RASAL2: variants seen among roughly 807,000 people sequenced by gnomAD.
RASAL2 encodes ras GTPase-activating protein nGAP.
Under a neutral mutation model 128.9 loss-of-function variants are expected in RASAL2, and 58 were observed. The observed-to-expected ratio is 0.45, with a 90% CI of 0.36 to 0.56. RASAL2 has a LOEUF of 0.56. RASAL2 is among the 20% of genes least tolerant of loss of function. The pLI is 0.00. For missense variants in RASAL2, 1,360 were observed against 1,601.6 expected, an observed-to-expected ratio of 0.85 and a Z score of 2.57; for synonymous variants, 561 against 580.8, an observed-to-expected ratio of 0.97 and a Z score of 0.49.
At chr1:178,296,041 G>GTGTGTGTGTATACATA (rs1667482918) in intron 2 of RASAL2, among the ~76,000 whole-genome samples, 1 of 151,652 alleles carries the variant, frequency 6.6e-6, no homozygotes, top group African/African-American at 2.4e-5. Context: ...ATGTGTGTAT[G>GTGTGTGTGTATACATA]TGTGTGTGTA....
intron 1 of RASAL2, among the ~76,000 whole-genome samples, chr1:178,095,629 A>G (rs1384680977): frequency 6.6e-6 from 1 of 152,252 alleles, no homozygotes; most frequent in African/African-American, 2.4e-5. Flanking sequence ...CTAAGCCTGT[A>G]GTGATCAAGT....
rs144920349 is a variant in RASAL2 at position 178,375,825 on chromosome 1, T to C, written c.458-14275T>C. Among the ~76,000 whole-genome samples, 22 of 152,246 alleles carry C rather than the reference T, an allele frequency of 1.4e-4. No homozygotes were observed. The East Asian group carries it at 4.2e-3, about 29-fold the overall frequency. Reference sequence around the variant, plus strand: ...AAAGGGAGCCAATTTTTTAGGAAGATGGGAGTTCTGTTTAGGTATTTTCAC... The same window carrying C: ...AAAGGGAGCCAATTTTTTAGGAAGACGGGAGTTCTGTTTAGGTATTTTCAC... On this transcript the variant is annotated intron_variant, in intron 3 of 17. Transcript: ENST00000367649.
intron 1 of RASAL2, among the ~76,000 whole-genome samples, chr1:178,162,166 C>G (rs1033767210): frequency 1.4e-5 from 2 of 147,908 alleles, no homozygotes; most frequent in Non-Finnish European, 3.0e-5. Flanking sequence ...GGGGTTTCAC[C>G]GTGTTAGCCA....
chr1:178,152,357 T>G (rs1660941061), intron 1 of RASAL2, among the ~76,000 whole-genome samples: 1 of 152,214 alleles, frequency 6.6e-6, no homozygotes, highest in African/African-American at 2.4e-5. Context: ...GTTCTTGGGT[T>G]GTATCTCTTA....
intron 1 of RASAL2, among the ~76,000 whole-genome samples, chr1:178,145,787 C>T (rs554049628): frequency 2.0e-4 from 31 of 152,264 alleles, no homozygotes; most frequent in Non-Finnish European, 4.1e-4. Flanking sequence ...GCATCAGTAT[C>T]CTTAGGTAGC....
At chr1:178,143,433 AT>A (rs1220361257) in intron 1 of RASAL2, among the ~76,000 whole-genome samples, 1 of 151,970 alleles carries the variant, frequency 6.6e-6, no homozygotes, top group African/African-American at 2.4e-5. Flanking sequence ...CTTTGCTGCA[AT>A]TTTTTGAAGC....
In RASAL2 at chr1:178,456,751, C is replaced by T. The variant is rs762018539; in HGVS notation, c.2242C>T (p.Arg748Cys). 5 of 1,614,140 alleles carry T rather than the reference C, an allele frequency of 3.1e-6. No homozygotes were observed. The highest frequency in any genetic ancestry group is 1.1e-5 in the South Asian group (1 of 91,072). ...ATVAKLGPLP[R>C]VLADITKSLT... The stretch of plus-strand genomic sequence containing the variant: ...CGTGGCAAAATTGGGGCCTCTCCCT[C>T]GTGTTCTTGCTGATATTACCAAGTC... Residue 748 changes from arginine (R) to cysteine (C), a missense_variant, in exon 13 of 18, where the codon CGT (arginine) becomes TGT (cysteine). Coordinates refer to ENST00000367649, the MANE Select transcript of RASAL2 (RefSeq NM_170692.4).
chr1:178,321,110 T>G (rs1419911183), intron 3 of RASAL2, among the ~76,000 whole-genome samples: 1 of 152,100 alleles, frequency 6.6e-6, no homozygotes, highest in Non-Finnish European at 1.5e-5. Flanking sequence ...TGAGGCGGAG[T>G]CTCATCTCTG....
chr1:178,274,819 G>A (rs1666419603), intron 1 of RASAL2, among the ~76,000 whole-genome samples: 1 of 152,040 alleles, frequency 6.6e-6, no homozygotes, highest in Non-Finnish European at 1.5e-5. Flanking sequence ...TTGAACTCTG[G>A]AGCTCAAAGG....
intron 3 of RASAL2, among the ~76,000 whole-genome samples, chr1:178,344,923 A>C (rs546394385): frequency 6.6e-6 from 1 of 152,256 alleles, no homozygotes; most frequent in Non-Finnish European, 1.5e-5. Flanking sequence ...TCAAAATTCC[A>C]CATTTAATTG....
intron 1 of RASAL2, among the ~76,000 whole-genome samples, chr1:178,167,673 C>G (rs946495962): frequency 3.3e-5 from 5 of 152,032 alleles, no homozygotes; most frequent in Non-Finnish European, 7.4e-5. Flanking sequence ...TACAAATAAA[C>G]TAGTATTTAC....
intron 1 of RASAL2, among the ~76,000 whole-genome samples, chr1:178,162,411 T>TAA (rs1478340145): frequency 6.8e-5 from 8 of 118,152 alleles, no homozygotes; most frequent in Admixed American, 1.1e-4. Flanking sequence ...ATTTTATATA[T>TAA]TATATATAAT....
intron 4 of RASAL2, among the ~76,000 whole-genome samples, chr1:178,407,874 A>C (rs921948387): frequency 6.6e-6 from 1 of 152,210 alleles, no homozygotes; most frequent in Admixed American, 6.5e-5. Context: ...GCATAGCAGC[A>C]GTTTTATTTC....
chr1:178,319,154 G>A (rs986779564), intron 3 of RASAL2, among the ~76,000 whole-genome samples: 3 of 152,116 alleles, frequency 2.0e-5, no homozygotes, highest in Non-Finnish European at 2.9e-5. Context: ...GATTTCTGCC[G>A]AGAGATCCGC....
At chr1:178,337,069 A>G (rs914443024) in intron 3 of RASAL2, among the ~76,000 whole-genome samples, 2 of 150,196 alleles carry the variant, frequency 1.3e-5, no homozygotes, top group African/African-American at 2.5e-5. Flanking sequence ...CTCCTAGCCA[A>G]TTGCCATTCC....
intron 1 of RASAL2, among the ~76,000 whole-genome samples, chr1:178,160,461 C>G (rs1172348883): frequency 2.0e-5 from 3 of 152,122 alleles, no homozygotes; most frequent in African/African-American, 7.2e-5. Flanking sequence ...ATGGCAAAAC[C>G]CAGTCTCTAC....
At chr1:178,170,803 A>G (rs935658384) in intron 1 of RASAL2, among the ~76,000 whole-genome samples, 1 of 151,858 alleles carries the variant, frequency 6.6e-6, no homozygotes, top group Non-Finnish European at 1.5e-5. Context: ...AGTCACACAC[A>G]TGAGGCACAT....
intron 3 of RASAL2, among the ~76,000 whole-genome samples, chr1:178,373,021 T>C (rs1053741680): frequency 6.6e-6 from 1 of 152,076 alleles, no homozygotes; most frequent in Non-Finnish European, 1.5e-5. Flanking sequence ...AATTATAGCC[T>C]TCAAATTTAT....
chr1:178,095,394 C>A (rs868846275), intron 1 of RASAL2, among the ~76,000 whole-genome samples: 4 of 150,172 alleles, frequency 2.7e-5, no homozygotes, highest in Non-Finnish European at 6.0e-5. Context: ...AGCCTTGTGG[C>A]AGCACTAAAA....
Sources: allele counts gnomAD v4.1 joint callset (sites outside exome capture counted in the v4.1 genomes callset), GRCh38; gene constraint gnomAD v4.1.1; transcripts MANE v1.5; gene names NCBI Gene and HGNC (gene_info 2026-07-23, HGNC 2026-07-21).